Variants in RBP3 observed in about 807,000 individuals in gnomAD.
The protein encoded by RBP3 is retinol binding protein 3, also known as retinol-binding protein 3.
A neutral mutation model predicts 64.8 loss-of-function variants in RBP3; 50 were observed. The observed-to-expected ratio is 0.77, with a 90% CI of 0.61 to 0.98. The LOEUF is 0.98. Ranked by LOEUF, RBP3 falls within the 50% of genes least tolerant of loss-of-function variation. RBP3 has a pLI of 0.00. For missense variants in RBP3, 1,712 were observed against 1,660.5 expected (o/e 1.03, Z -0.54); for synonymous variants, 828 against 730.2 (o/e 1.13, Z -2.16).
chr10:47,350,867 C>T lies in RBP3; in HGVS notation c.2383C>T (p.Leu795=). Residue 795 remains leucine, a synonymous_variant, in exon 1 of 4, where the codon CTG becomes TTG. Transcript: ENST00000584701. ...NPGSYSTAIP[L]LCSYFFEAEP... is the part of the protein sequence containing the mutation. The stretch of plus-strand genomic sequence containing the variant: ...TGGCAGCTACTCCACGGCCATCCCG[C>T]TGCTCTGCTCCTACTTCTTTGAGGC... The T allele has an allele frequency of 6.2e-7, 1 of 1,612,876 alleles. No homozygotes were observed. The highest frequency in any genetic ancestry group is 1.3e-5 in the African/African-American group (1 of 75,068).
chr10:47,349,849 G>T lies in RBP3; in HGVS notation c.1365G>T (p.Val455=). 6.2e-7 allele frequency: 1 copy of T among 1,613,214 alleles called. No individual in the cohort carries two copies. Among genetic ancestry groups the T allele is most frequent in the Non-Finnish European group, 8.5e-7 (1 of 1,180,030 alleles). ...TTGCTGACGCCTCCGTCCTGGGTGTGTTGGCCCCATATGTCCTGCGCCAGG... is the reference window on the plus strand; with the variant it reads ...TTGCTGACGCCTCCGTCCTGGGTGTTTTGGCCCCATATGTCCTGCGCCAGG... The part of the protein sequence containing the change: ...DSFADASVLG[V]LAPYVLRQVW... The change falls in exon 1 of 4, where the codon GTG becomes GTT. Residue 455 remains valine (V), a synonymous_variant. Transcript: ENST00000584701.
At position 47,355,482 on chromosome 10, in the gene RBP3, T is replaced by C; in HGVS notation, c.3352T>C (p.Ser1118Pro). 6.2e-7 allele frequency: 1 copy of C among 1,614,230 alleles called. No individual in the cohort carries two copies. The highest frequency in any genetic ancestry group is 8.5e-7 in the Non-Finnish European group (1 of 1,180,040). Reference protein sequence around the residue: ...LDKIYSRPDDSVSELWTHAQV... With the variant: ...LDKIYSRPDDPVSELWTHAQV... ...CAAGATCTACAGCCGGCCTGATGAC[T>C]CTGTCAGTGAACTCTGGACACACGC... is the stretch of plus-strand genomic sequence containing the variant. Residue 1118 changes from serine to proline, a missense_variant, in exon 3 of 4, where the codon TCT becomes CCT. Coordinates refer to ENST00000584701, the MANE Select transcript of RBP3 (RefSeq NM_002900.3).
At chr10:47,352,298 G>T (rs1432074606) in intron 1 of RBP3, among the ~76,000 whole-genome samples, 1 of 152,218 alleles carries the variant, frequency 6.6e-6, no homozygotes, top group African/African-American at 2.4e-5. Context: ...TGCAGGCAGG[G>T]CCCAGTGGTT....
At position 47,349,308 on chromosome 10, in the gene RBP3, ACTT is replaced by A. The variant is rs782604129; in HGVS notation, c.832_834del (p.Phe278del). On this transcript the variant is annotated inframe_deletion, in exon 1 of 4. Coordinates refer to ENST00000584701, the MANE Select transcript of RBP3 (RefSeq NM_002900.3). ...CGGAAGCTGAGGATAGGCGAGTCTG[ACTT>A]CTTCTTCACGGTGCCCGTGTCCAGG... 48 of 1,612,628 alleles carry A rather than the reference ACTT, an allele frequency of 3.0e-5. No individual in the cohort carries two copies. The highest frequency in any genetic ancestry group is 3.3e-5 in the Non-Finnish European group (39 of 1,179,976).
chr10:47,348,412 C>T lies in RBP3; in HGVS notation c.-73C>T, dbSNP rs1383959383. The T allele has an allele frequency of 2.6e-6, 4 of 1,533,450 alleles. No individual in the cohort carries two copies. In the African/African-American group the frequency reaches 5.5e-5, roughly 21 times the overall value. The allele number at this position is 1,533,450 out of a possible 1,614,324, so 95.0% of individuals were successfully genotyped here. On this transcript the variant is annotated 5_prime_UTR_variant, in exon 1 of 4. Coordinates refer to ENST00000584701, the MANE Select transcript of RBP3 (RefSeq NM_002900.3). ...AGGACAAGGGCGGAAGGCAGCTGCA[C>T]AGAGCAGGGCCACGGCCTTGCACAC...
In RBP3 at chr10:47,349,637, C is replaced by T. The variant is rs782387708; in HGVS notation, c.1153C>T (p.Leu385Phe). The T allele has an allele frequency of 8.7e-6, 14 of 1,612,516 alleles. No individual in the cohort carries two copies. The highest frequency in any genetic ancestry group is 6.8e-6 in the Non-Finnish European group (8 of 1,180,018). ...GLQAASEDPRLLVRAIGPTET... is the reference protein window; with the variant it reads ...GLQAASEDPRFLVRAIGPTET... ...GCAGGCTGCGTCTGAGGATCCCAGG[C>T]TCCTGGTGCGAGCCATCGGGCCCAC... Residue 385 changes from leucine (L) to phenylalanine (F), a missense_variant, in exon 1 of 4, where the codon CTC (leucine) becomes TTC (phenylalanine). Physicochemically the swap from Leu to Phe is conservative, Grantham distance 22. Coordinates refer to ENST00000584701, the MANE Select transcript of RBP3 (RefSeq NM_002900.3).
rs1302958300 is a variant in RBP3 at position 47,357,760 on chromosome 10, G to T, written c.*303G>T. 3 of 273,202 alleles carry T rather than the reference G, an allele frequency of 1.1e-5. No homozygotes were observed. In the East Asian group the frequency reaches 2.0e-4, roughly 18 times the overall value. The allele number at this position is 273,202 out of a possible 1,614,324, so 16.9% of individuals were successfully genotyped here. On this transcript the variant is annotated 3_prime_UTR_variant, in exon 4 of 4. Transcript: ENST00000584701. The stretch of plus-strand genomic sequence containing the variant: ...TTTTTACCTTCCTTCTTCATACTTT[G>T]CTCTTTTTCTTAAATACTCATTAAT...
intron 2 of RBP3, among the ~76,000 whole-genome samples, chr10:47,353,762 G>A (rs1173203699): frequency 1.3e-5 from 2 of 152,230 alleles, no homozygotes; most frequent in African/African-American, 4.8e-5. Context: ...ATTCCAGATT[G>A]AGAATTACCC....
At chr10:47,353,248 T>C in intron 1 of RBP3, 77 bp from the exon 2 acceptor site, 1 of 1,351,670 alleles carries the variant, frequency 7.4e-7, no homozygotes, top group Non-Finnish European at 1.1e-6. Context: ...CCTTAATATT[T>C]CCCATGGCGC....
rs1555210920 is a variant in RBP3, at chr10:47,348,894, GCGT to G, written c.412_414del (p.Val138del). 4 of 1,613,862 alleles carry G rather than the reference GCGT, an allele frequency of 2.5e-6. No individual in the cohort carries two copies. Among genetic ancestry groups the G allele is most frequent in the Non-Finnish European group, 3.4e-6 (4 of 1,180,020 alleles). ...AATGTGGGCTACCTGCGGGTGGACA[GCGT>G]CCCGGGCCAGGAGGTGCTGAGCATG... On this transcript the variant is annotated inframe_deletion, in exon 1 of 4. Coordinates refer to ENST00000584701, the MANE Select transcript of RBP3 (RefSeq NM_002900.3).
At chr10:47,355,268 C>A in intron 2 of RBP3, 108 bp from the exon 3 acceptor site, 1 of 1,423,186 alleles carries the variant, frequency 7.0e-7, no homozygotes, top group Non-Finnish European at 9.8e-7. Flanking sequence ...ACTGAGGCTG[C>A]CAAGAATTAG....
At position 47,357,263 on chromosome 10, in the gene RBP3, G is replaced by C; in HGVS notation, c.3550G>C (p.Asp1184His). ...GCQPPQTYHV[D>H]DTNLYLTIPT... ...CCAGCCACCACAGACCTACCACGTG[G>C]ATGACACCAACCTCTACCTCACTAT... Residue 1184 changes from aspartate to histidine, a missense_variant, in exon 4 of 4, where the codon GAT becomes CAT. Asp to His is a moderately conservative substitution (Grantham distance 81, BLOSUM62 -1). Coordinates refer to ENST00000584701, the MANE Select transcript of RBP3 (RefSeq NM_002900.3). The C allele has an allele frequency of 1.9e-6, 3 of 1,614,152 alleles. No homozygotes were observed. The highest frequency in any genetic ancestry group is 2.5e-6 in the Non-Finnish European group (3 of 1,180,038).
In RBP3 at chr10:47,351,495, C is replaced by T; in HGVS notation, c.3011C>T (p.Pro1004Leu). 1 of 1,613,838 alleles carries T rather than the reference C, an allele frequency of 6.2e-7. No homozygotes were observed. Among genetic ancestry groups the T allele is most frequent in the South Asian group, 1.1e-5 (1 of 91,082 alleles). ...CCACACCTGAAGGCAGCCCATATCC[C>T]TGAGAATGCCAAGGACCGCATTCCT... ...GDPHLKAAHIPENAKDRIPGI... is the reference protein window; with the variant it reads ...GDPHLKAAHILENAKDRIPGI... The change falls in exon 1 of 4, where the codon CCT becomes CTT. Residue 1004 changes from proline (P) to leucine (L), a missense_variant. Pro to Leu is a moderately conservative substitution (Grantham distance 98). Transcript: ENST00000584701.
Position 47,348,807 on chromosome 10 carries a change from T to C in RBP3, c.323T>C (p.Leu108Pro). The C allele has an allele frequency of 6.2e-7, 1 of 1,613,770 alleles. No individual in the cohort carries two copies. The highest frequency in any genetic ancestry group is 8.5e-7 in the Non-Finnish European group (1 of 1,180,012). The change falls in exon 1 of 4, where the codon CTC becomes CCC. Residue 108 changes from leucine (L) to proline (P), a missense_variant. By Grantham distance (98) the Leu-to-Pro change is moderately conservative. Coordinates refer to ENST00000584701, the MANE Select transcript of RBP3 (RefSeq NM_002900.3). ...PPPQVPALTS[L>P]SEEELLAWLQ... is the part of the protein sequence containing the mutation. ...CCACAAGTCCCAGCACTCACCAGCC[T>C]CTCAGAAGAGGAACTGCTTGCCTGG...
chr10:47,357,699 A>G lies in RBP3; in HGVS notation c.*242A>G. The G allele has an allele frequency of 2.6e-6, 1 of 389,654 alleles. No individual in the cohort carries two copies. Among genetic ancestry groups the G allele is most frequent in the Non-Finnish European group, 4.6e-6 (1 of 219,390 alleles). 24.1% of individuals were successfully genotyped at this position (389,654 alleles called of 1,614,324 possible). A position where few individuals can be genotyped will look rare whatever the true frequency, so the allele number is the denominator to read the frequency against. On this transcript the variant is annotated 3_prime_UTR_variant, in exon 4 of 4. Transcript: ENST00000584701. ...TTCCAATAACCACCTAAATTTTAAC[A>G]AAGGTTCCTTCTAAGTGGTAGAACT...
In RBP3 at chr10:47,349,800, T is replaced by A; in HGVS notation, c.1316T>A (p.Val439Glu). The A allele has an allele frequency of 6.2e-7, 1 of 1,613,280 alleles. No individual in the cohort carries two copies. The highest frequency in any genetic ancestry group is 8.5e-7 in the Non-Finnish European group (1 of 1,180,030). Residue 439 changes from valine to glutamate, a missense_variant, in exon 1 of 4, where the codon GTG becomes GAG. Val to Glu is a moderately radical substitution (Grantham distance 121, BLOSUM62 -2). Transcript: ENST00000584701. ...CAGGTGTCGGTGCTGCCAGGCAATGTGGGCTACCTGCGCTTCGATAGTTTT... is the reference window on the plus strand; with the variant it reads ...CAGGTGTCGGTGCTGCCAGGCAATGAGGGCTACCTGCGCTTCGATAGTTTT... ...VFQVSVLPGN[V>E]GYLRFDSFAD...
chr10:47,348,658 C>T lies in RBP3; in HGVS notation c.174C>T (p.Ser58=). 1 of 1,613,560 alleles carries T rather than the reference C, an allele frequency of 6.2e-7. No homozygotes were observed. ...MQEAIQQAIK[S]HEILSISDPQ... ...AAGCCATCCAGCAGGCCATCAAGAG[C>T]CATGAGATTCTGAGCATCTCAGACC... is the stretch of plus-strand genomic sequence containing the variant. The change falls in exon 1 of 4, where the codon AGC becomes AGT. Residue 58 remains serine, a synonymous_variant. Coordinates refer to ENST00000584701, the MANE Select transcript of RBP3 (RefSeq NM_002900.3).
In RBP3 at chr10:47,349,926, AC is replaced by A. The variant is rs782696922; in HGVS notation, c.1445del (p.Pro482LeufsTer84). On this transcript the variant is annotated frameshift_variant, in exon 1 of 4. Coordinates refer to ENST00000584701, the MANE Select transcript of RBP3 (RefSeq NM_002900.3). LOFTEE classifies it high-confidence loss of function. ...CACCTCATCATGGACCTGCGCCACA[AC>A]CCTGGAGGGCCATCCTCTGCTGTGC... ...TEHLIMDLRH[N>X]PGGPSSAVPL... 3.7e-6 allele frequency: 6 copies of A among 1,612,106 alleles called. No homozygotes were observed. The highest frequency in any genetic ancestry group is 5.1e-6 in the Non-Finnish European group (6 of 1,179,386).
Position 47,350,891 on chromosome 10 carries a change from G to T in RBP3, c.2407G>T (p.Ala803Ser). The change falls in exon 1 of 4, where the codon GCA becomes TCA. Residue 803 changes from alanine (A) to serine (S), a missense_variant. Physicochemically the swap from Ala to Ser is moderately conservative, Grantham distance 99 (BLOSUM62 1). Coordinates refer to ENST00000584701, the MANE Select transcript of RBP3 (RefSeq NM_002900.3). ...GCTGCTCTGCTCCTACTTCTTTGAG[G>T]CAGAGCCCCGCCAGCACCTGTATTC... Reference protein sequence around the residue: ...IPLLCSYFFEAEPRQHLYSVF... With the variant: ...IPLLCSYFFESEPRQHLYSVF... 1 of 1,610,888 alleles carries T rather than the reference G, an allele frequency of 6.2e-7. No homozygotes were observed. The highest frequency in any genetic ancestry group is 1.1e-5 in the South Asian group (1 of 90,660).
Sources: gnomAD v4.1 joint callset for allele counts (sites outside exome capture counted in the v4.1 genomes callset) on GRCh38, gnomAD v4.1.1 for gene constraint, MANE v1.5 for transcripts, NCBI Gene and HGNC (gene_info 2026-07-23, HGNC 2026-07-21) for gene names.